KLHL2: variants seen among roughly 807,000 people sequenced by gnomAD.
KLHL2 encodes the protein kelch like family member 2, also known as kelch-like protein 2.
A neutral mutation model predicts 75.8 loss-of-function variants in KLHL2; 15 were observed. The ratio of observed to expected loss-of-function variants is 0.20; its 90% confidence interval spans 0.13 to 0.30. KLHL2 has a LOEUF of 0.30. Among genes scored for constraint, KLHL2 ranks in the 10% least tolerant of loss-of-function variants. The probability of loss-of-function intolerance (pLI) is 1.00; values close to 1 mark genes in which losing one functional copy is unlikely to be tolerated. For synonymous variants in KLHL2, 214 were observed against 251.9 expected (o/e 0.85, Z 1.42); for missense variants, 381 against 741.0 (o/e 0.51, Z 5.64).
chr4:165,298,113 A>G (rs1167404037), intron 7 of KLHL2, among the ~76,000 whole-genome samples: 2 of 152,212 alleles, frequency 1.3e-5, no homozygotes, highest in Non-Finnish European at 2.9e-5. Flanking sequence ...CTTGTGAGGC[A>G]CCACACCCAG....
chr4:165,223,678 A>G (rs563210907), intron 2 of KLHL2, among the ~76,000 whole-genome samples: 47 of 152,318 alleles, frequency 3.1e-4, no homozygotes, highest in Non-Finnish European at 8.8e-5. Context: ...ACGGAGCATC[A>G]TGCTAAGATT....
At chr4:165,270,937 G>A (rs1244769350) in intron 5 of KLHL2, among the ~76,000 whole-genome samples, 1 of 152,150 alleles carries the variant, frequency 6.6e-6, no homozygotes, top group Non-Finnish European at 1.5e-5. Flanking sequence ...TGTATGCTTT[G>A]TCGAAGATCA....
At chr4:165,307,585 C>T (rs1745834509) in intron 9 of KLHL2, among the ~76,000 whole-genome samples, 1 of 152,108 alleles carries the variant, frequency 6.6e-6, no homozygotes, top group Admixed American at 6.6e-5. Flanking sequence ...CTGAGATAGT[C>T]CCAGAGTCTT....
chr4:165,312,066 C>T (rs1177808385), intron 11 of KLHL2, among the ~76,000 whole-genome samples: 1 of 152,102 alleles, frequency 6.6e-6, no homozygotes, highest in East Asian at 1.9e-4. Context: ...CTAGGTCCCT[C>T]AAATGTGCAT....
At chr4:165,282,979 A>G (rs1743811380) in intron 5 of KLHL2, among the ~76,000 whole-genome samples, 1 of 151,918 alleles carries the variant, frequency 6.6e-6, no homozygotes, top group African/African-American at 2.4e-5. Context: ...TCTTATGTGG[A>G]TGGCAGCAGG....
chr4:165,210,750 C>T (rs1043153049), intron 1 of KLHL2, among the ~76,000 whole-genome samples: 1 of 152,184 alleles, frequency 6.6e-6, no homozygotes, highest in African/African-American at 2.4e-5. Flanking sequence ...TTGACCAGCC[C>T]TGACCTCAGG....
intron 4 of KLHL2, among the ~76,000 whole-genome samples, chr4:165,253,235 T>C (rs1740885047): frequency 6.6e-6 from 1 of 152,152 alleles, no homozygotes. Context: ...GGTTTCACCA[T>C]GTTGGCCAGG....
chr4:165,228,697 G>T, intron 2 of KLHL2, 110 bp from the exon 3 acceptor site: 2 of 622,160 alleles, frequency 3.2e-6, no homozygotes. Flanking sequence ...TGTCTTTTAC[G>T]TTAGTCTCCA....
chr4:165,234,657 C>G (rs1045471550), intron 3 of KLHL2, among the ~76,000 whole-genome samples: 2 of 139,686 alleles, frequency 1.4e-5, no homozygotes, highest in Admixed American at 1.5e-4. Context: ...CGCTCTGTAC[C>G]AGGCTGGAGT....
intron 9 of KLHL2, among the ~76,000 whole-genome samples, chr4:165,308,920 C>T (rs1432030625): frequency 6.6e-6 from 1 of 152,060 alleles, no homozygotes; most frequent in African/African-American, 2.4e-5. Flanking sequence ...GGTCTTGTTG[C>T]CATATGGAGG....
intron 4 of KLHL2, among the ~76,000 whole-genome samples, chr4:165,246,042 C>T (rs191866612): frequency 8.5e-5 from 13 of 152,120 alleles, no homozygotes; most frequent in Admixed American, 2.6e-4. Context: ...GGGGTAGGGA[C>T]GAGACAGATA....
At chr4:165,244,063 T>C (rs1740029522) in intron 4 of KLHL2, among the ~76,000 whole-genome samples, 1 of 152,094 alleles carries the variant, frequency 6.6e-6, no homozygotes, top group South Asian at 2.1e-4. Flanking sequence ...CAGGCTTTTT[T>C]TTTAAGTGCA....
At chr4:165,311,757 A>T (rs1035277418) in intron 11 of KLHL2, among the ~76,000 whole-genome samples, 192 bp downstream of exon 11, 3 of 149,974 alleles carry the variant, frequency 2.0e-5, no homozygotes, top group African/African-American at 7.3e-5. Flanking sequence ...ACCTATATAA[A>T]GCCTTTTCTC....
At chr4:165,220,624 C>T (rs1737908035) in intron 2 of KLHL2, among the ~76,000 whole-genome samples, 1 of 152,106 alleles carries the variant, frequency 6.6e-6, no homozygotes, top group Admixed American at 6.5e-5. Context: ...TTTCTTTTTA[C>T]CTTTTTAATG....
intron 9 of KLHL2, among the ~76,000 whole-genome samples, chr4:165,310,304 G>C (rs973403915): frequency 6.6e-6 from 1 of 152,166 alleles, no homozygotes; most frequent in Admixed American, 6.5e-5. Flanking sequence ...CAGCCTGGGC[G>C]ACAGAGTGAG....
intron 10 of KLHL2, among the ~76,000 whole-genome samples, chr4:165,311,000 G>A (rs1404215812): frequency 6.6e-6 from 1 of 151,854 alleles, no homozygotes; most frequent in South Asian, 2.1e-4. Flanking sequence ...GACTATAGGT[G>A]CCCGCCACCA....
chr4:165,253,377 T>A (rs1740899994), intron 4 of KLHL2, among the ~76,000 whole-genome samples: 1 of 152,222 alleles, frequency 6.6e-6, no homozygotes, highest in South Asian at 2.1e-4. Context: ...GTACAATACC[T>A]AATACAATGT....
intron 4 of KLHL2, among the ~76,000 whole-genome samples, chr4:165,259,926 A>T (rs186479958): frequency 6.6e-6 from 1 of 151,654 alleles, no homozygotes; most frequent in Non-Finnish European, 1.5e-5. Flanking sequence ...ATTTGATTTG[A>T]TCTCAAAACT....
Position 165,319,969 on chromosome 4 carries a change from C to T in KLHL2, c.1753+2000C>T, listed in dbSNP as rs1402354792. ...AGGATCTAAAGCTGGAGAATTTCCT[C>T]AGCCTACTCAAGCAAAGGATGACTT... On this transcript the variant is annotated intron_variant, in intron 14 of 14. Transcript: ENST00000226725. The surrounding 1 kb of genome is among the most constrained non-coding windows in gnomAD (Gnocchi z 4.5). Among the ~76,000 whole-genome samples the T allele has an allele frequency of 1.3e-5, 2 of 152,148 alleles. No homozygotes were observed. Among genetic ancestry groups the T allele is most frequent in the South Asian group, 4.1e-4 (2 of 4,832 alleles).
Sources: gnomAD v4.1 joint callset for allele counts (sites outside exome capture counted in the v4.1 genomes callset) on GRCh38, gnomAD v4.1.1 for gene constraint, Gnocchi (gnomAD v3.1) non-coding constraint, MANE v1.5 for transcripts, NCBI Gene and HGNC (gene_info 2026-07-23, HGNC 2026-07-21) for gene names.